The following ALPL variants were observed in gnomAD, a reference collection of about 807,000 sequenced individuals.
ALPL encodes the protein alkaline phosphatase, tissue-nonspecific isozyme.
A neutral mutation model predicts 51.3 loss-of-function variants in ALPL; 42 were observed. The ratio of observed to expected loss-of-function variants is 0.82; its 90% CI spans 0.64 to 1.06. The LOEUF (loss-of-function observed/expected upper bound fraction) is 1.06. Among genes scored for constraint, ALPL ranks in the 50% least tolerant of loss-of-function variants. The pLI is 0.00. For missense variants in ALPL, 589 were observed against 709.4 expected, an observed-to-expected ratio of 0.83 and a Z score of 1.93; for synonymous variants, 279 against 296.4, an observed-to-expected ratio of 0.94 and a Z score of 0.60.
At chr1:21,558,628 G>T (rs1780326) in intron 2 of ALPL, among the ~76,000 whole-genome samples, 50,675 of 152,138 alleles carry the variant, frequency 0.33, 8,879 homozygotes, top group Middle Eastern at 0.44. Flanking sequence ...TCCCAGTGGG[G>T]ACTGCGTGGG....
chr1:21,556,015 C>T (rs546499335), intron 2 of ALPL, among the ~76,000 whole-genome samples: 120 of 152,154 alleles, frequency 7.9e-4, no homozygotes, highest in African/African-American at 2.7e-3. Flanking sequence ...TCAGGTGATC[C>T]GCCTGCCTTG....
At chr1:21,557,636 C>A (rs1644430302) in intron 2 of ALPL, among the ~76,000 whole-genome samples, 1 of 152,240 alleles carries the variant, frequency 6.6e-6, no homozygotes, top group Admixed American at 6.5e-5. Flanking sequence ...GTGGCACAAT[C>A]ATGGCTTACT....
At chr1:21,555,860 T>G (rs1644406301) in intron 2 of ALPL, among the ~76,000 whole-genome samples, 1 of 151,656 alleles carries the variant, frequency 6.6e-6, no homozygotes. Context: ...AAGCTCCATC[T>G]CCCGGGTTCA....
intron 1 of ALPL, among the ~76,000 whole-genome samples, chr1:21,523,960 G>T (rs1643909553): frequency 6.7e-6 from 1 of 148,932 alleles, no homozygotes; most frequent in South Asian, 2.1e-4. Context: ...GTCATTTCCT[G>T]AATCTAACCT....
rs1254540594 is a variant in ALPL, at chr1:21,509,670, A to G, written c.-105+153A>G. Reference sequence around the variant, plus strand: ...CGCCGCCCACAGCAGCCCATTCGGGACGCCCTGCAATTGGTCCTGCCCCTG... The same window carrying G: ...CGCCGCCCACAGCAGCCCATTCGGGGCGCCCTGCAATTGGTCCTGCCCCTG... On this transcript the variant is annotated intron_variant, in intron 1 of 11. Coordinates refer to ENST00000374840, the MANE Select transcript of ALPL (RefSeq NM_000478.6). The surrounding 1 kb of genome is among the most constrained non-coding windows in gnomAD (Gnocchi z 6.0). Among the ~76,000 whole-genome samples the G allele has an allele frequency of 1.2e-4, 18 of 152,040 alleles. No individual in the cohort carries two copies. Among genetic ancestry groups the G allele is most frequent in the Non-Finnish European group, 1.5e-5 (1 of 68,000 alleles).
intron 1 of ALPL, among the ~76,000 whole-genome samples, chr1:21,537,303 T>A (rs1357313062): frequency 6.6e-6 from 1 of 152,186 alleles, no homozygotes; most frequent in East Asian, 1.9e-4. Flanking sequence ...GACTCTGACT[T>A]GTAACCCTGG....
At chr1:21,570,166 G>A (rs979439099) in intron 7 of ALPL, 139 bp from the exon 8 acceptor site, 8 of 799,716 alleles carry the variant, frequency 1.0e-5, no homozygotes, top group African/African-American at 1.7e-5. Flanking sequence ...CTTGAGGTCA[G>A]GGATGGTGGG....
chr1:21,552,429 A>G (rs71636980), intron 1 of ALPL, among the ~76,000 whole-genome samples: 2,419 of 149,512 alleles, frequency 0.016, 34 homozygotes, highest in Non-Finnish European at 0.023. Context: ...CAGTGAGCCG[A>G]GGTTGTGCCA....
At chr1:21,549,798 A>G (rs1339675448) in intron 1 of ALPL, among the ~76,000 whole-genome samples, 1 of 152,202 alleles carries the variant, frequency 6.6e-6, no homozygotes, top group African/African-American at 2.4e-5. Context: ...GCCATTTACA[A>G]TAGTTCCCCA....
intron 1 of ALPL, among the ~76,000 whole-genome samples, chr1:21,527,049 T>C (rs1643956505): frequency 6.6e-6 from 1 of 151,702 alleles, no homozygotes; most frequent in South Asian, 2.1e-4. Flanking sequence ...TTTTCTTTCT[T>C]GAGATGGAGT....
chr1:21,510,508 C>T (rs191780737), intron 1 of ALPL, among the ~76,000 whole-genome samples: 49 of 152,166 alleles, frequency 3.2e-4, no homozygotes, highest in African/African-American at 1.1e-3. Context: ...GATACTGCAA[C>T]TGTTTTTTGA....
intron 9 of ALPL, 127 bp from the exon 10 acceptor site, chr1:21,575,606 G>A: frequency 8.9e-7 from 1 of 1,128,218 alleles, no homozygotes; most frequent in Non-Finnish European, 1.3e-6. Flanking sequence ...AGCTCAGAGT[G>A]GTGCCCGGCG....
At chr1:21,560,481 G>A in intron 2 of ALPL, 145 bp from the exon 3 acceptor site, 2 of 1,046,112 alleles carry the variant, frequency 1.9e-6, no homozygotes, top group Non-Finnish European at 2.8e-6. Flanking sequence ...ATAAACCACA[G>A]ATGTGTTGTC....
chr1:21,514,157 G>A (rs567686196), intron 1 of ALPL, among the ~76,000 whole-genome samples: 5 of 152,146 alleles, frequency 3.3e-5, no homozygotes, highest in African/African-American at 9.7e-5. Context: ...TTCCTGCTTC[G>A]GTGGTCCTCA....
chr1:21,561,821 C>T (rs1311242347), intron 4 of ALPL, among the ~76,000 whole-genome samples: 2 of 152,112 alleles, frequency 1.3e-5, no homozygotes, highest in Non-Finnish European at 2.9e-5. Flanking sequence ...CATGCGCCAC[C>T]ATGCCCAGCT....
intron 1 of ALPL, among the ~76,000 whole-genome samples, chr1:21,528,603 A>G (rs1269756190): frequency 2.0e-5 from 3 of 150,450 alleles, no homozygotes; most frequent in African/African-American, 4.9e-5. Context: ...ACCCACCTTG[A>G]CCTCCCAAAA....
intron 1 of ALPL, among the ~76,000 whole-genome samples, chr1:21,540,534 A>G (rs1297882447): frequency 6.6e-6 from 1 of 152,144 alleles, no homozygotes; most frequent in Non-Finnish European, 1.5e-5. Flanking sequence ...GGAGCTGGCA[A>G]TGGGGCATGT....
intron 1 of ALPL, among the ~76,000 whole-genome samples, chr1:21,521,391 G>A (rs2148067022): frequency 6.6e-6 from 1 of 152,204 alleles, no homozygotes; most frequent in South Asian, 2.1e-4. Context: ...CATCATGTTG[G>A]CCAGGCTGGT....
rs753338851 is a variant in ALPL, at chr1:21,573,779, GCTT to G, written c.984_986del (p.Phe328del). The G allele has an allele frequency of 2.9e-5, 47 of 1,614,076 alleles. No homozygotes were observed. Among genetic ancestry groups the G allele is most frequent in the East Asian group, 1.1e-4 (5 of 44,898 alleles). ...CAGATCCTGCGGAAGAACCCCAAAG[GCTT>G]CTTCTTGCTGGTGGAAGGTAGGGAC... On this transcript the variant is annotated inframe_deletion, in exon 9 of 12. Coordinates refer to ENST00000374840, the MANE Select transcript of ALPL (RefSeq NM_000478.6).
Sources: allele counts gnomAD v4.1 joint callset (sites outside exome capture counted in the v4.1 genomes callset), GRCh38; gene constraint gnomAD v4.1.1; non-coding constraint Gnocchi (gnomAD v3.1); transcripts MANE v1.5; gene names NCBI Gene and HGNC (gene_info 2026-07-23, HGNC 2026-07-21).